Variants in ADSS2 observed in about 807,000 individuals in gnomAD.
ADSS2 encodes the protein adenylosuccinate synthetase isozyme 2.
Under a neutral mutation model 60.0 loss-of-function variants are expected in ADSS2, and 30 were observed. The observed-to-expected ratio is 0.50, with a 90% CI of 0.37 to 0.68. The LOEUF (loss-of-function observed/expected upper bound fraction) is 0.68, where lower values mean the gene tolerates loss of function less well. Among genes scored for constraint, ADSS2 ranks in the 30% least tolerant of loss-of-function variants. The pLI is 0.00. For synonymous variants in ADSS2, 187 were observed against 193.1 expected (o/e 0.97, Z 0.26); for missense variants, 373 against 554.8 (o/e 0.67, Z 3.29).
chr1:244,451,743 G>A lies in ADSS2; in HGVS notation c.75C>T (p.Pro25=), dbSNP rs1131837. 1.9e-6 allele frequency: 3 copies of A among 1,605,672 alleles called. No individual in the cohort carries two copies. In the South Asian group the frequency reaches 3.3e-5, roughly 18 times the overall value. ...NGDCGRPRAR[P]GGNRVTVVLG... is the part of the protein sequence containing the mutation. ...GCACCACCGTCACCCGGTTTCCTCC[G>A]GGCCGCGCCCTGGGGCGGCCGCAAT... The change falls in exon 1 of 13, where the codon CCC becomes CCT. Residue 25 remains proline, a synonymous_variant. Coordinates refer to ENST00000366535, the MANE Select transcript of ADSS2 (RefSeq NM_001126.5). The surrounding 1 kb of genome is among the most constrained non-coding windows in gnomAD (Gnocchi z 6.6).
chr1:244,451,656 G>A lies in ADSS2; in HGVS notation c.162C>T (p.Ala54=). The A allele has an allele frequency of 6.2e-7, 1 of 1,610,552 alleles. No individual in the cohort carries two copies. Among genetic ancestry groups the A allele is most frequent in the Admixed American group, 1.7e-5 (1 of 59,822 alleles). The change falls in exon 1 of 13, where the codon GCC becomes GCT. Residue 54 remains alanine (A), a synonymous_variant. Transcript: ENST00000366535. This position sits in a 1 kb window ranked among gnomAD's most constrained non-coding sequence, Gnocchi z 6.6. The stretch of plus-strand genomic sequence containing the variant: ...TCACCTGGCAGCGGCACACGATGTC[G>A]GCGTCCTGCGCCAGCAGGTCCACCA... The part of the protein sequence containing the change: ...GKVVDLLAQD[A]DIVCRCQGGN...
At chr1:244,424,732 T>C (rs764671846) in intron 4 of ADSS2, 7 of 209,930 alleles carry the variant, frequency 3.3e-5, no homozygotes, top group Non-Finnish European at 6.8e-5. Flanking sequence ...GGGCTCATGT[T>C]GACACCTCCC....
At chr1:244,417,372 T>C (rs968765814) in intron 10 of ADSS2, among the ~76,000 whole-genome samples, 18 of 152,130 alleles carry the variant, frequency 1.2e-4, no homozygotes, top group African/African-American at 4.3e-4. Flanking sequence ...TCTGCCTACA[T>C]ACCCTATTCT....
intron 4 of ADSS2, among the ~76,000 whole-genome samples, chr1:244,428,475 A>G (rs990362466): frequency 3.3e-5 from 5 of 151,652 alleles, no homozygotes; most frequent in African/African-American, 1.2e-4. Flanking sequence ...AAATGCTTAC[A>G]TTAGAAAAGA....
upstream of ADSS2, chr1:244,452,058 G>A: frequency 5.5e-6 from 2 of 363,280 alleles, no homozygotes; most frequent in Non-Finnish European, 9.8e-6. Context: ...CCCGCAGGAA[G>A]AGGCCCTGGT....
At chr1:244,450,822 G>GA (rs926370193) in intron 1 of ADSS2, among the ~76,000 whole-genome samples, 10 of 152,146 alleles carry the variant, frequency 6.6e-5, no homozygotes, top group African/African-American at 2.4e-4. Context: ...CTCGTTTTCC[G>GA]AAAGTTCACT....
intron 2 of ADSS2, 90 bp from the exon 3 acceptor site, chr1:244,436,983 C>A: frequency 9.4e-7 from 1 of 1,062,110 alleles, no homozygotes; most frequent in South Asian, 1.6e-5. Context: ...ACGGTGTTAC[C>A]ACAGAAATGA....
intron 12 of ADSS2, 53 bp downstream of exon 12, chr1:244,411,232 GAA>G: frequency 7.0e-7 from 1 of 1,429,810 alleles, no homozygotes; most frequent in Non-Finnish European, 9.4e-7. Context: ...AAAAAAAAAA[GAA>G]AAAAGAGAGA....
chr1:244,423,277 A>G (rs1664716739), intron 6 of ADSS2, among the ~76,000 whole-genome samples: 1 of 152,234 alleles, frequency 6.6e-6, no homozygotes, highest in South Asian at 2.1e-4. Context: ...TGATACTTCT[A>G]AAAGAGAGAG....
Position 244,451,859 on chromosome 1 carries a change from G to A in ADSS2, c.-42C>T. ...GGAGAGCCCGAAGGAGAGGCGGCCG[G>A]CGAGGAGTGAGCGAACTGAACTGCT... On this transcript the variant is annotated 5_prime_UTR_variant, in exon 1 of 13. Transcript: ENST00000366535. The surrounding 1 kb of genome is among the most constrained non-coding windows in gnomAD (Gnocchi z 6.6). 5 of 1,508,982 alleles carry A rather than the reference G, an allele frequency of 3.3e-6. No homozygotes were observed. Among genetic ancestry groups the A allele is most frequent in the Non-Finnish European group, 4.4e-6 (5 of 1,130,728 alleles). 93.5% of individuals were successfully genotyped at this position (1,508,982 alleles called of 1,614,324 possible).
At chr1:244,418,184 T>C (rs375720820) in intron 9 of ADSS2, among the ~76,000 whole-genome samples, 1 of 152,226 alleles carries the variant, frequency 6.6e-6, no homozygotes, top group African/African-American at 2.4e-5. Flanking sequence ...ATATCTAAGC[T>C]AAGGTCACTC....
At chr1:244,419,944 AATG>A (rs1213554537) in intron 8 of ADSS2, among the ~76,000 whole-genome samples, 3 of 152,214 alleles carry the variant, frequency 2.0e-5, no homozygotes, top group Non-Finnish European at 4.4e-5. Context: ...ACTGAACTCA[AATG>A]ATGATTTTAT....
intron 3 of ADSS2, 148 bp from the exon 4 acceptor site, chr1:244,432,743 A>T: frequency 2.2e-6 from 1 of 457,314 alleles, no homozygotes. Flanking sequence ...GGCTCACTGC[A>T]AGCTCCACCT....
At chr1:244,450,168 A>C (rs905119279) in intron 1 of ADSS2, among the ~76,000 whole-genome samples, 2 of 152,244 alleles carry the variant, frequency 1.3e-5, no homozygotes, top group Non-Finnish European at 2.9e-5. Flanking sequence ...CAGCATGACC[A>C]GATCTGAATG....
chr1:244,432,803 T>C (rs1414346462), intron 3 of ADSS2, among the ~76,000 whole-genome samples: 1 of 151,488 alleles, frequency 6.6e-6, no homozygotes, highest in Non-Finnish European at 1.5e-5. Flanking sequence ...TAGTTGGGAC[T>C]ACAGGCACCC....
chr1:244,412,430 A>G (rs1664436565), intron 11 of ADSS2, among the ~76,000 whole-genome samples: 1 of 152,222 alleles, frequency 6.6e-6, no homozygotes, highest in Non-Finnish European at 1.5e-5. Context: ...ACTAAGAGGC[A>G]GAATCACTGG....
chr1:244,433,965 A>G (rs950328291), intron 3 of ADSS2, among the ~76,000 whole-genome samples: 6 of 151,676 alleles, frequency 4.0e-5, no homozygotes, highest in South Asian at 2.1e-4. Flanking sequence ...ATTGTGAGGT[A>G]TATCTGTCCC....
At chr1:244,415,645 A>T (rs534519936) in intron 11 of ADSS2, among the ~76,000 whole-genome samples, 1 of 152,144 alleles carries the variant, frequency 6.6e-6, no homozygotes, top group Non-Finnish European at 1.5e-5. Context: ...CTTCTTATTC[A>T]CTCTCAAGAG....
intron 9 of ADSS2, 67 bp from the exon 10 acceptor site, chr1:244,417,819 T>C (rs1245754731): frequency 2.0e-6 from 3 of 1,469,930 alleles, no homozygotes; most frequent in South Asian, 2.4e-5. Context: ...GAATAATATA[T>C]GCTAGAGATC....
Sources: gnomAD v4.1 joint callset for allele counts (sites outside exome capture counted in the v4.1 genomes callset) on GRCh38, gnomAD v4.1.1 for gene constraint, Gnocchi (gnomAD v3.1) non-coding constraint, MANE v1.5 for transcripts, NCBI Gene and HGNC (gene_info 2026-07-23, HGNC 2026-07-21) for gene names.